The following CEP128 variants were observed in gnomAD, a reference collection of about 807,000 sequenced individuals.
CEP128 encodes the protein centrosomal protein 128kDa.
CEP128 carries 132 observed loss-of-function variants against 156.7 expected under a neutral mutation model. The observed-to-expected ratio is 0.84, with a 90% CI of 0.73 to 0.97. The LOEUF (loss-of-function observed/expected upper bound fraction) is 0.97. Ranked by LOEUF, CEP128 falls within the 50% of genes least tolerant of loss-of-function variation. CEP128 has a pLI of 0.00. For missense variants in CEP128, 1,252 were observed against 1,281.9 expected (o/e 0.98, Z 0.36); for synonymous variants, 469 against 448.9 (o/e 1.04, Z -0.57).
chr14:80,812,339 ATTGTGAATAG>A (rs1884604653), intron 13 of CEP128, among the ~76,000 whole-genome samples: 1 of 152,158 alleles, frequency 6.6e-6, no homozygotes, highest in Non-Finnish European at 1.5e-5. Flanking sequence ...TTTCTTTGCT[ATTGTGAATAG>A]TGTTGCAATG....
chr14:80,941,555 G>A (rs557846128), intron 1 of CEP128, 26 bp downstream of exon 1: 19 of 152,862 alleles, frequency 1.2e-4, no homozygotes, highest in African/African-American at 4.3e-4. Flanking sequence ...GTCGAAAAAG[G>A]GCAAGGGGGA....
intron 8 of CEP128, among the ~76,000 whole-genome samples, chr14:80,874,035 C>G (rs1023882891): frequency 6.6e-6 from 1 of 152,084 alleles, no homozygotes; most frequent in Non-Finnish European, 1.5e-5. Flanking sequence ...GTAAATTGCC[C>G]AGTTCGTATG....
chr14:80,689,566 TTAAA>T (rs1264326596), intron 19 of CEP128, among the ~76,000 whole-genome samples: 1 of 152,178 alleles, frequency 6.6e-6, no homozygotes, highest in Non-Finnish European at 1.5e-5. Flanking sequence ...ACAACTGTAT[TTAAA>T]TAATAAAATT....
chr14:80,688,547 T>C (rs1055648031), intron 19 of CEP128, among the ~76,000 whole-genome samples: 3 of 152,222 alleles, frequency 2.0e-5, no homozygotes, highest in African/African-American at 4.8e-5. Flanking sequence ...AGATAACTAA[T>C]GTTATACTAA....
In CEP128 at chr14:80,902,624, A is replaced by G. The variant is rs139908310; in HGVS notation, c.480+2189T>C. Among the ~76,000 whole-genome samples, 309 of 152,346 alleles carry G rather than the reference A, an allele frequency of 2.0e-3. 2 individuals carry two copies. Among genetic ancestry groups the G allele is most frequent in the Middle Eastern group, 0.014 (4 of 294 alleles). On this transcript the variant is annotated intron_variant, in intron 6 of 24. Coordinates refer to ENST00000555265, the MANE Select transcript of CEP128 (RefSeq NM_152446.5). ...AAAAGGAAAAATTACAGCTCTGCAG[A>G]GAACTTTAAAGAAGCAGAAAAAGAT...
At chr14:80,700,884 T>C (rs967160166) in intron 19 of CEP128, among the ~76,000 whole-genome samples, 1 of 152,116 alleles carries the variant, frequency 6.6e-6, no homozygotes, top group African/African-American at 2.4e-5. Flanking sequence ...TAACTGACCA[T>C]ACAGATTTAA....
At chr14:80,681,685 A>G (rs1896330419) in intron 19 of CEP128, among the ~76,000 whole-genome samples, 1 of 152,194 alleles carries the variant, frequency 6.6e-6, no homozygotes, top group Non-Finnish European at 1.5e-5. Context: ...CCTTATGAAG[A>G]AGGTTTCCCC....
At chr14:80,730,678 C>T (rs1261099496) in intron 19 of CEP128, among the ~76,000 whole-genome samples, 1 of 152,168 alleles carries the variant, frequency 6.6e-6, no homozygotes, top group East Asian at 1.9e-4. Context: ...TAGATGACTA[C>T]AAAGACTAAT....
At chr14:80,762,381 A>G (rs947721888) in intron 16 of CEP128, among the ~76,000 whole-genome samples, 6 of 152,146 alleles carry the variant, frequency 3.9e-5, no homozygotes, top group African/African-American at 1.4e-4. Flanking sequence ...CATGATGGCT[A>G]GCTATGACAC....
At chr14:80,722,294 G>GTAGAC (rs1897847100) in intron 19 of CEP128, among the ~76,000 whole-genome samples, 1 of 152,106 alleles carries the variant, frequency 6.6e-6, no homozygotes, top group African/African-American at 2.4e-5. Context: ...GATCACCACT[G>GTAGAC]TAGAACACAA....
At chr14:80,610,033 G>A (rs1051105206) in intron 19 of CEP128, among the ~76,000 whole-genome samples, 3 of 152,064 alleles carry the variant, frequency 2.0e-5, no homozygotes, top group African/African-American at 7.3e-5. Context: ...ATGTGTGTGT[G>A]CATGCATACA....
At chr14:80,739,005 T>C (rs1394951932) in intron 19 of CEP128, among the ~76,000 whole-genome samples, 1 of 152,216 alleles carries the variant, frequency 6.6e-6, no homozygotes, top group Non-Finnish European at 1.5e-5. Context: ...CCAAAAATAC[T>C]GATTTGGCAA....
intron 15 of CEP128, among the ~76,000 whole-genome samples, chr14:80,784,117 C>A (rs1901267506): frequency 6.6e-6 from 1 of 152,090 alleles, no homozygotes; most frequent in Non-Finnish European, 1.5e-5. Context: ...CATTCATTCA[C>A]CTATTCAATA....
chr14:80,539,943 G>A (rs1175798601), intron 21 of CEP128, among the ~76,000 whole-genome samples: 1 of 152,026 alleles, frequency 6.6e-6, no homozygotes, highest in African/African-American at 2.4e-5. Flanking sequence ...TACTAGAGTG[G>A]GGAAAAACTC....
In CEP128 at chr14:80,765,987, G is replaced by A. The variant is rs556456148; in HGVS notation, c.2377-4374C>T. ...AGGACTAATGTCCTAAAGTAGAAAG[G>A]AGAAATCAAAAATTAAATTCTGAAT... On this transcript the variant is annotated intron_variant, in intron 16 of 24. Transcript: ENST00000555265. Among the ~76,000 whole-genome samples, 88 of 152,254 alleles carry A rather than the reference G, an allele frequency of 5.8e-4. 1 individual carries two copies. The highest frequency in any genetic ancestry group is 2.0e-3 in the African/African-American group (82 of 41,544).
intron 15 of CEP128, among the ~76,000 whole-genome samples, chr14:80,779,359 C>T (rs1900976040): frequency 6.6e-6 from 1 of 152,106 alleles, no homozygotes; most frequent in Non-Finnish European, 1.5e-5. Context: ...AGAGCTGATG[C>T]CACATTAAAT....
At chr14:80,917,662 C>G (rs1884637784) in intron 2 of CEP128, among the ~76,000 whole-genome samples, 1 of 152,118 alleles carries the variant, frequency 6.6e-6, no homozygotes, top group Non-Finnish European at 1.5e-5. Context: ...CCTCAGCCTC[C>G]CGAGAAAACA....
chr14:80,501,131 T>C (rs1887712891), intron 24 of CEP128, among the ~76,000 whole-genome samples: 1 of 152,116 alleles, frequency 6.6e-6, no homozygotes, highest in Admixed American at 6.6e-5. Context: ...CTTCCTTCAG[T>C]GTGGCAGAAT....
chr14:80,537,796 A>G (rs959570278), intron 21 of CEP128, among the ~76,000 whole-genome samples: 7 of 152,192 alleles, frequency 4.6e-5, no homozygotes, highest in African/African-American at 1.4e-4. Flanking sequence ...CTATGCTTCT[A>G]GATACACAGG....
Sources: gnomAD v4.1 joint callset for allele counts (sites outside exome capture counted in the v4.1 genomes callset) on GRCh38, gnomAD v4.1.1 for gene constraint, MANE v1.5 for transcripts, NCBI Gene and HGNC (gene_info 2026-07-23, HGNC 2026-07-21) for gene names.